GDPD5: variants seen among roughly 807,000 people sequenced by gnomAD.
GDPD5 encodes glycerophosphodiester phosphodiesterase domain containing 5.
GDPD5 carries 48 observed loss-of-function variants against 75.1 expected under a neutral mutation model. That is an observed-to-expected ratio of 0.64 (90% CI 0.51 to 0.81). GDPD5 has a LOEUF of 0.81. Ranked by LOEUF, GDPD5 falls within the 40% of genes least tolerant of loss-of-function variation. The pLI, the probability that GDPD5 is intolerant of heterozygous loss-of-function variation, is 0.00. For synonymous variants in GDPD5, 336 were observed against 339.0 expected (o/e 0.99, Z 0.10); for missense variants, 706 against 822.6 (o/e 0.86, Z 1.73).
intron 6 of GDPD5, chr11:75,456,457 T>C: frequency 2.3e-6 from 1 of 438,486 alleles, no homozygotes; most frequent in Non-Finnish European, 4.2e-6. Context: ...CCCTGGATCT[T>C]CCATGTTTAA....
In GDPD5 at chr11:75,456,754, T is replaced by C; in HGVS notation, c.375+3A>G. 6.2e-7 allele frequency: 1 copy of C among 1,614,142 alleles called. No homozygotes were observed. Among genetic ancestry groups the C allele is most frequent in the Non-Finnish European group, 8.5e-7 (1 of 1,179,990 alleles). ...TCCCAGCCCCGGCCGAGGCGGCCCT[T>C]ACCTTGTGCAGCCAGTGCAGGTTCA... On this transcript the variant is annotated splice_donor_region_variant and intron_variant, in intron 6 of 16. Transcript: ENST00000336898.
At chr11:75,522,591 G>A (rs1475952822) in intron 1 of GDPD5, among the ~76,000 whole-genome samples, 1 of 152,042 alleles carries the variant, frequency 6.6e-6, no homozygotes, top group Non-Finnish European at 1.5e-5. Flanking sequence ...CCCAACAGAA[G>A]AGACAGGACA....
rs1478434209 is a variant in GDPD5, at chr11:75,438,990, C to T, written c.1556+889G>A. ...CTGCCCTGGGCAAGTGGTGAAGGCCCCTGTAAGTGCCAGAGGCAGGGGGAT... is the reference window on the plus strand; with the variant it reads ...CTGCCCTGGGCAAGTGGTGAAGGCCTCTGTAAGTGCCAGAGGCAGGGGGAT... On this transcript the variant is annotated intron_variant, in intron 15 of 16. Transcript: ENST00000336898. 1.2e-5 allele frequency: 3 copies of T among 244,600 alleles called. No individual in the cohort carries two copies. The East Asian group carries it at 3.2e-4, about 26-fold the overall frequency. 15.2% of individuals were successfully genotyped at this position (244,600 alleles called of 1,614,324 possible). A position where few individuals can be genotyped will look rare whatever the true frequency, so the allele number is the denominator to read the frequency against.
chr11:75,499,621 G>T (rs762884626), intron 1 of GDPD5, among the ~76,000 whole-genome samples: 1 of 152,134 alleles, frequency 6.6e-6, no homozygotes, highest in Non-Finnish European at 1.5e-5. Context: ...GTGGCCAGCT[G>T]ATAGGCTTGG....
intron 12 of GDPD5, 42 bp from the exon 13 acceptor site, chr11:75,441,845 C>T (rs374723067): frequency 7.0e-5 from 109 of 1,568,016 alleles, no homozygotes; most frequent in Admixed American, 1.4e-4. Context: ...CTCTTCTGCA[C>T]GATGCGTAAG....
At chr11:75,497,229 C>G (rs1950227429) in intron 1 of GDPD5, among the ~76,000 whole-genome samples, 1 of 152,176 alleles carries the variant, frequency 6.6e-6, no homozygotes, top group Non-Finnish European at 1.5e-5. Flanking sequence ...GCCCAGCAGA[C>G]AGACGCAGCC....
At chr11:75,519,200 C>T (rs1415640345) in intron 1 of GDPD5, among the ~76,000 whole-genome samples, 1 of 152,108 alleles carries the variant, frequency 6.6e-6, no homozygotes, top group Non-Finnish European at 1.5e-5. Flanking sequence ...CCCAAGCTCT[C>T]CTCCTTGCCA....
At chr11:75,474,680 G>A (rs1949743354) in intron 3 of GDPD5, among the ~76,000 whole-genome samples, 1 of 152,190 alleles carries the variant, frequency 6.6e-6, no homozygotes, top group Admixed American at 6.5e-5. Flanking sequence ...AGGGAGACCA[G>A]CGTGGATGGA....
intron 6 of GDPD5, among the ~76,000 whole-genome samples, chr11:75,452,623 G>A (rs1042043638): frequency 6.6e-5 from 10 of 152,184 alleles, no homozygotes; most frequent in African/African-American, 9.7e-5. Flanking sequence ...CAGTGAATGC[G>A]CCTTCCTTAA....
chr11:75,450,248 G>A (rs1949105130), intron 6 of GDPD5: 1 of 565,016 alleles, frequency 1.8e-6, no homozygotes, highest in African/African-American at 1.9e-5. Context: ...TGGAAGGGAG[G>A]ATGGGGACAG....
chr11:75,496,476 T>C (rs1422452723), intron 1 of GDPD5, among the ~76,000 whole-genome samples: 3 of 152,212 alleles, frequency 2.0e-5, no homozygotes, highest in East Asian at 1.9e-4. Flanking sequence ...CTATGTCATA[T>C]GGGGACACTG....
At chr11:75,501,268 C>A (rs1380855524) in intron 1 of GDPD5, among the ~76,000 whole-genome samples, 3 of 152,250 alleles carry the variant, frequency 2.0e-5, no homozygotes, top group African/African-American at 7.2e-5. Flanking sequence ...GCACCCTAAC[C>A]TGACTGCCAT....
At chr11:75,510,310 C>T (rs1051693548) in intron 1 of GDPD5, among the ~76,000 whole-genome samples, 4 of 152,178 alleles carry the variant, frequency 2.6e-5, no homozygotes, top group African/African-American at 7.2e-5. Flanking sequence ...CAGGTGACCT[C>T]GCCTGACCAC....
At chr11:75,512,962 C>T (rs189456692) in intron 1 of GDPD5, among the ~76,000 whole-genome samples, 209 of 152,296 alleles carry the variant, frequency 1.4e-3, no homozygotes, top group African/African-American at 4.9e-3. Context: ...ATGTTTCTTA[C>T]AGTTTATATG....
intron 1 of GDPD5, among the ~76,000 whole-genome samples, chr11:75,506,406 C>T: frequency 6.6e-6 from 1 of 152,094 alleles, no homozygotes; most frequent in South Asian, 2.1e-4. Context: ...CAGTGGCTGC[C>T]CCTCCACCTA....
At chr11:75,448,202 T>G (rs1949037952) in intron 9 of GDPD5, among the ~76,000 whole-genome samples, 1 of 152,132 alleles carries the variant, frequency 6.6e-6, no homozygotes, top group Non-Finnish European at 1.5e-5. Flanking sequence ...CTAAGAAGCC[T>G]GGGTTCAAGG....
chr11:75,451,210 G>C (rs1949141398), intron 6 of GDPD5: 1 of 152,268 alleles, frequency 6.6e-6, no homozygotes, highest in African/African-American at 2.4e-5. Context: ...TCCCTTTGGA[G>C]GCTTTTCATT....
intron 2 of GDPD5, among the ~76,000 whole-genome samples, chr11:75,489,597 C>T (rs923997272): frequency 6.6e-6 from 1 of 152,158 alleles, no homozygotes; most frequent in African/African-American, 2.4e-5. Flanking sequence ...CTCTAGGATT[C>T]TCTTTTAAAA....
Position 75,450,004 on chromosome 11 carries a change from G to A in GDPD5, c.376-21C>T, listed in dbSNP as rs754079920. The A allele has an allele frequency of 1.4e-5, 23 of 1,604,326 alleles. No individual in the cohort carries two copies. The East Asian group carries it at 2.2e-4, about 16-fold the overall frequency. On this transcript the variant is annotated intron_variant, in intron 6 of 16. Transcript: ENST00000336898. ...CCGATCTGGAGGGGGAAGAGTCACC[G>A]GACAGAGGCTCAGAGCGGGTGGGAG...
Sources: gnomAD v4.1 joint callset for allele counts (sites outside exome capture counted in the v4.1 genomes callset) on GRCh38, gnomAD v4.1.1 for gene constraint, MANE v1.5 for transcripts, NCBI Gene and HGNC (gene_info 2026-07-23, HGNC 2026-07-21) for gene names.